Variants in EPB41L5 observed in about 807,000 individuals in gnomAD.
EPB41L5 encodes band 4.1-like protein 5.
A neutral mutation model predicts 106.6 loss-of-function variants in EPB41L5; 55 were observed. The ratio of observed to expected loss-of-function variants is 0.52; its 90% CI spans 0.42 to 0.65. The LOEUF (loss-of-function observed/expected upper bound fraction) is 0.65. Among genes scored for constraint, EPB41L5 ranks in the 30% least tolerant of loss-of-function variants. The pLI is 0.00. For missense variants in EPB41L5, 871 were observed against 882.1 expected (o/e 0.99, Z 0.16); for synonymous variants, 297 against 306.7 (o/e 0.97, Z 0.33).
chr2:120,030,859 A>G (rs1297458112), intron 2 of EPB41L5, among the ~76,000 whole-genome samples: 5 of 149,894 alleles, frequency 3.3e-5, no homozygotes, highest in African/African-American at 7.4e-5. Flanking sequence ...CTGGCCTCAA[A>G]TTATGTTTAT....
intron 18 of EPB41L5, among the ~76,000 whole-genome samples, chr2:120,140,738 T>C (rs1686138547): frequency 6.6e-6 from 1 of 152,078 alleles, no homozygotes; most frequent in African/African-American, 2.4e-5. Flanking sequence ...TGAAATACTT[T>C]TAGTCCCAAG....
chr2:120,017,278 C>G (rs1326204542), intron 1 of EPB41L5, among the ~76,000 whole-genome samples: 1 of 152,194 alleles, frequency 6.6e-6, no homozygotes, highest in African/African-American at 2.4e-5. Context: ...GAGGAATTAG[C>G]TCTTTCCATA....
intron 2 of EPB41L5, among the ~76,000 whole-genome samples, chr2:120,024,021 T>G (rs899633593): frequency 6.6e-6 from 1 of 152,238 alleles, no homozygotes; most frequent in Non-Finnish European, 1.5e-5. Flanking sequence ...TTTTGCACAT[T>G]GATTTTGTAT....
At chr2:120,118,049 T>G (rs993876453) in intron 16 of EPB41L5, among the ~76,000 whole-genome samples, 1 of 152,240 alleles carries the variant, frequency 6.6e-6, no homozygotes, top group South Asian at 2.1e-4. Context: ...CGTTTTTTCT[T>G]TAATAGTTTC....
At chr2:120,015,390 A>G (rs962320991) in intron 1 of EPB41L5, among the ~76,000 whole-genome samples, 11 of 151,768 alleles carry the variant, frequency 7.2e-5, no homozygotes, top group South Asian at 6.3e-4. Context: ...CTGGCTTCCA[A>G]CAGTTCCGCC....
chr2:120,046,387 T>C (rs1356513859), intron 3 of EPB41L5, among the ~76,000 whole-genome samples: 4 of 152,234 alleles, frequency 2.6e-5, no homozygotes, highest in Non-Finnish European at 2.9e-5. Context: ...TGGTTTTGAT[T>C]TGCATTTCTC....
At chr2:120,109,278 G>A (rs921176283) in intron 16 of EPB41L5, among the ~76,000 whole-genome samples, 5 of 152,132 alleles carry the variant, frequency 3.3e-5, no homozygotes, top group African/African-American at 1.2e-4. Context: ...AGCCTTCAAT[G>A]CTCCCTGATA....
At chr2:120,074,855 T>C (rs1366549257) in intron 5 of EPB41L5, among the ~76,000 whole-genome samples, 3 of 152,180 alleles carry the variant, frequency 2.0e-5, no homozygotes, top group African/African-American at 7.2e-5. Context: ...CAAGTAGATG[T>C]CTCGCTCTGT....
At position 120,137,770 on chromosome 2, in the gene EPB41L5, A is replaced by C. The variant is rs146614898; in HGVS notation, c.1600-5233A>C. Among the ~76,000 whole-genome samples the C allele has an allele frequency of 7.2e-3, 1,099 of 152,238 alleles. 16 individuals carry two copies. The highest frequency in any genetic ancestry group is 0.025 in the African/African-American group (1,025 of 41,564). ...TGGCTTCACTGCTGAATTTTACCAA[A>C]TATTTAAAGAAGAACTAATACCTAT... On this transcript the variant is annotated intron_variant, in intron 18 of 24. Transcript: ENST00000263713.
Position 120,030,972 on chromosome 2 carries a change from G to T in EPB41L5, c.181-11034G>T, listed in dbSNP as rs533419868. Reference sequence around the variant, plus strand: ...GCTCACTGCAGCCTCTGCCTCCCGGGTTCAAGTGATTCTCCTGCCTCAGCC... The same window carrying T: ...GCTCACTGCAGCCTCTGCCTCCCGGTTTCAAGTGATTCTCCTGCCTCAGCC... On this transcript the variant is annotated intron_variant, in intron 2 of 24. Coordinates refer to ENST00000263713, the MANE Select transcript of EPB41L5 (RefSeq NM_020909.4). Among the ~76,000 whole-genome samples the T allele has an allele frequency of 1.0e-3, 155 of 152,186 alleles. 1 individual carries two copies. The South Asian group carries it at 0.032, about 31-fold the overall frequency.
chr2:120,145,424 A>G (rs1373165719), intron 19 of EPB41L5, among the ~76,000 whole-genome samples: 1 of 152,198 alleles, frequency 6.6e-6, no homozygotes, highest in Non-Finnish European at 1.5e-5. Flanking sequence ...TGCTGCTCTA[A>G]AGAAGCAGAT....
At chr2:120,146,903 G>A (rs989037378) in intron 20 of EPB41L5, among the ~76,000 whole-genome samples, 1 of 152,174 alleles carries the variant, frequency 6.6e-6, no homozygotes, top group African/African-American at 2.4e-5. Context: ...ATATGATTGT[G>A]ATTAATCATA....
intron 20 of EPB41L5, among the ~76,000 whole-genome samples, chr2:120,151,609 CCTTTTTTTT>C (rs1029758208): frequency 1.4e-5 from 2 of 145,254 alleles, no homozygotes; most frequent in African/African-American, 5.1e-5. Context: ...TGCGTCTGGC[CCTTTTTTTT>C]TTTTTTTTTT....
intron 13 of EPB41L5, among the ~76,000 whole-genome samples, chr2:120,092,990 C>T (rs1356158619): frequency 6.6e-6 from 1 of 152,136 alleles, no homozygotes; most frequent in African/African-American, 2.4e-5. Context: ...CCTTTAATCC[C>T]AGCACTTTGG....
At chr2:120,089,509 T>C (rs981842525) in intron 11 of EPB41L5, among the ~76,000 whole-genome samples, 1 of 152,166 alleles carries the variant, frequency 6.6e-6, no homozygotes, top group Non-Finnish European at 1.5e-5. Flanking sequence ...ATCTAACATA[T>C]ATATATGCTA....
At chr2:120,137,589 A>T (rs551979118) in intron 18 of EPB41L5, among the ~76,000 whole-genome samples, 1 of 152,066 alleles carries the variant, frequency 6.6e-6, no homozygotes, top group African/African-American at 2.4e-5. Flanking sequence ...ATGCCAATAA[A>T]TTGGAAAACA....
At chr2:120,120,605 C>A (rs1052408168) in intron 16 of EPB41L5, among the ~76,000 whole-genome samples, 2 of 151,342 alleles carry the variant, frequency 1.3e-5, no homozygotes, top group Admixed American at 6.6e-5. Flanking sequence ...TTAAAAAAAA[C>A]CTCTCATTAA....
At chr2:120,117,230 A>G (rs1684987628) in intron 16 of EPB41L5, among the ~76,000 whole-genome samples, 1 of 152,046 alleles carries the variant, frequency 6.6e-6, no homozygotes, top group Non-Finnish European at 1.5e-5. Flanking sequence ...CCTTATTCCT[A>G]TCTCCCTTCT....
chr2:120,041,851 G>A (rs1383753057), intron 2 of EPB41L5, among the ~76,000 whole-genome samples, 155 bp from the exon 3 acceptor site: 5 of 152,172 alleles, frequency 3.3e-5, no homozygotes, highest in Non-Finnish European at 7.4e-5. Context: ...TTAGAAAACT[G>A]TAATGTCTTA....
Sources: allele counts gnomAD v4.1 joint callset (sites outside exome capture counted in the v4.1 genomes callset), GRCh38; gene constraint gnomAD v4.1.1; transcripts MANE v1.5; gene names NCBI Gene and HGNC (gene_info 2026-07-23, HGNC 2026-07-21).